Variants in RIPOR3 observed in about 807,000 individuals in gnomAD.
RIPOR3 encodes family with sequence similarity 65 member C.
In RIPOR3, 95 loss-of-function variants were observed where a neutral mutation model predicts 114.3. The observed-to-expected ratio is 0.83, with a 90% CI of 0.70 to 0.99. The LOEUF is 0.99. RIPOR3 is among the 50% of genes least tolerant of loss of function. The probability of loss-of-function intolerance (pLI) is 0.00; values close to 1 mark genes in which losing one functional copy is unlikely to be tolerated. For synonymous variants in RIPOR3, 575 were observed against 543.8 expected (o/e 1.06, Z -0.80); for missense variants, 1,252 against 1,266.9 (o/e 0.99, Z 0.18).
intron 1 of RIPOR3, among the ~76,000 whole-genome samples, chr20:50,689,799 G>A (rs556217902): frequency 5.3e-4 from 81 of 152,242 alleles, no homozygotes; most frequent in Middle Eastern, 3.4e-3. Flanking sequence ...CCCAAGGTGG[G>A]TGGTGGGGGG....
chr20:50,589,759 A>G lies in RIPOR3; in HGVS notation c.2588T>C (p.Phe863Ser). The change falls in exon 20 of 22, where the codon TTC becomes TCC. Residue 863 changes from phenylalanine to serine, a missense_variant. Transcript: ENST00000327979. Reference protein sequence around the residue: ...NRSFREKALLFYTNALAENDA... With the variant: ...NRSFREKALLSYTNALAENDA... ...GTTCTCTGCCAGGGCGTTGGTGTAG[A>G]ACAGCAAAGCCTGGGGAGAGTAAGG... The G allele has an allele frequency of 6.2e-7, 1 of 1,613,490 alleles. No individual in the cohort carries two copies. The highest frequency in any genetic ancestry group is 8.5e-7 in the Non-Finnish European group (1 of 1,179,690).
chr20:50,679,717 C>T (rs1405190427), intron 1 of RIPOR3, among the ~76,000 whole-genome samples: 3 of 149,588 alleles, frequency 2.0e-5, no homozygotes, highest in Non-Finnish European at 3.0e-5. Flanking sequence ...TGCAGTGAGC[C>T]GAGATCGCGC....
At chr20:50,607,747 G>A (rs560719948) in intron 11 of RIPOR3, among the ~76,000 whole-genome samples, 57 of 152,246 alleles carry the variant, frequency 3.7e-4, no homozygotes, top group Middle Eastern at 3.4e-3. Flanking sequence ...CCCCCAGCTC[G>A]GACACCCACC....
At chr20:50,671,781 C>A (rs964702640) in intron 1 of RIPOR3, among the ~76,000 whole-genome samples, 1 of 144,834 alleles carries the variant, frequency 6.9e-6, no homozygotes, top group South Asian at 2.2e-4. Flanking sequence ...AATGGGTGGG[C>A]GAAGGGATGG....
At position 50,604,733 on chromosome 20, in the gene RIPOR3, G is replaced by T; in HGVS notation, c.998C>A (p.Thr333Lys). 6.2e-7 allele frequency: 1 copy of T among 1,608,490 alleles called. No homozygotes were observed. Among genetic ancestry groups the T allele is most frequent in the Non-Finnish European group, 8.5e-7 (1 of 1,177,888 alleles). ...TESFLVSPSP[T>K]GKFSMGSRKG... Reference sequence around the variant, plus strand: ...CCTGCTGCCCATAGAAAACTTGCCCGTGGGGCTGGGTGACACCAGGAAGCT... The same window carrying T: ...CCTGCTGCCCATAGAAAACTTGCCCTTGGGGCTGGGTGACACCAGGAAGCT... The change falls in exon 12 of 22, where the codon ACG becomes AAG. Residue 333 changes from threonine (T) to lysine (K), a missense_variant. Thr to Lys is a moderately conservative substitution (Grantham distance 78). Coordinates refer to ENST00000327979, the MANE Select transcript of RIPOR3 (RefSeq NM_001290268.2).
intron 17 of RIPOR3, among the ~76,000 whole-genome samples, chr20:50,594,169 G>A (rs994726198): frequency 5.3e-5 from 8 of 151,648 alleles, no homozygotes; most frequent in East Asian, 1.9e-4. Flanking sequence ...CCAGCTACTC[G>A]GGAGGCTGAG....
chr20:50,648,023 C>G (rs1272363078), intron 1 of RIPOR3, among the ~76,000 whole-genome samples: 1 of 151,892 alleles, frequency 6.6e-6, no homozygotes. Context: ...TGCCTACAAT[C>G]CTAGCATTTT....
chr20:50,671,198 A>T (rs2086468282), intron 1 of RIPOR3, among the ~76,000 whole-genome samples: 1 of 152,162 alleles, frequency 6.6e-6, no homozygotes, highest in African/African-American at 2.4e-5. Context: ...CATGTTGGCC[A>T]GGCTGATCTC....
chr20:50,620,053 A>G lies in RIPOR3; in HGVS notation c.202T>C (p.Ser68Pro). 1 of 1,613,972 alleles carries G rather than the reference A, an allele frequency of 6.2e-7. No homozygotes were observed. The highest frequency in any genetic ancestry group is 8.5e-7 in the Non-Finnish European group (1 of 1,179,982). ...TGGGGCTTCGGGTCTGCACAGACCG[A>G]CCCCTTCCGCAGCGTGCCGTACATC... ...SKMYGTLRKG[S>P]VCADPKPQQV... Residue 68 changes from serine to proline, a missense_variant, in exon 3 of 22, where the codon TCG becomes CCG. Physicochemically the swap from Ser to Pro is moderately conservative, Grantham distance 74 (BLOSUM62 -1). Transcript: ENST00000327979.
chr20:50,620,628 A>AAAATAAAT (rs146738887), intron 2 of RIPOR3: 50 of 162,806 alleles, frequency 3.1e-4, no homozygotes, highest in South Asian at 4.1e-4. Flanking sequence ...CTCAGTCTTA[A>AAAATAAAT]AAATAAATAA....
At chr20:50,589,938 A>T (rs1464315735) in intron 19 of RIPOR3, 169 bp from the exon 20 acceptor site, 1 of 618,862 alleles carries the variant, frequency 1.6e-6, no homozygotes, top group Admixed American at 2.4e-5. Context: ...ACACAGTCAC[A>T]AGATCTATAC....
chr20:50,643,120 A>T (rs1158722548), intron 1 of RIPOR3, among the ~76,000 whole-genome samples: 2 of 136,640 alleles, frequency 1.5e-5, no homozygotes, highest in Non-Finnish European at 3.0e-5. Flanking sequence ...CTGTAATCTC[A>T]GCACTTTTTT....
At chr20:50,637,405 C>A (rs1300815169) in intron 1 of RIPOR3, among the ~76,000 whole-genome samples, 2 of 152,142 alleles carry the variant, frequency 1.3e-5, no homozygotes, top group Non-Finnish European at 2.9e-5. Flanking sequence ...AAGGCCACCT[C>A]CTCAGAGAGG....
chr20:50,631,176 G>A (rs2084807303), intron 1 of RIPOR3, among the ~76,000 whole-genome samples: 1 of 152,118 alleles, frequency 6.6e-6, no homozygotes, highest in Non-Finnish European at 1.5e-5. Context: ...CACCCCCCGA[G>A]CTTCTCCTCT....
rs1477487751 is a variant in RIPOR3, at chr20:50,602,405, A to G, written c.1326T>C (p.Ile442=). The G allele has an allele frequency of 6.2e-7, 1 of 1,609,408 alleles. No homozygotes were observed. Among genetic ancestry groups the G allele is most frequent in the Admixed American group, 1.7e-5 (1 of 59,708 alleles). Residue 442 remains isoleucine (I), a synonymous_variant, in exon 13 of 22, where the codon ATT becomes ATC. Transcript: ENST00000327979. The surrounding 1 kb of genome is among the most constrained non-coding windows in gnomAD (Gnocchi z 4.3). The part of the protein sequence containing the change: ...LPLTFGPHAS[I]EEEAREDPLP... ...GGGGGTCCTCCCGAGCCTCCTCTTC[A>G]ATGGAGGCGTGGGGACCGAAGGTCA...
Position 50,602,906 on chromosome 20 carries a change from A to C in RIPOR3, c.1087-262T>G, listed in dbSNP as rs1476883975. Among the ~76,000 whole-genome samples, 1 of 151,912 alleles carries C rather than the reference A, an allele frequency of 6.6e-6. No individual in the cohort carries two copies. The highest frequency in any genetic ancestry group is 2.4e-5 in the African/African-American group (1 of 41,356). On this transcript the variant is annotated intron_variant, in intron 12 of 21. Coordinates refer to ENST00000327979, the MANE Select transcript of RIPOR3 (RefSeq NM_001290268.2). The surrounding 1 kb of genome is among the most constrained non-coding windows in gnomAD (Gnocchi z 4.3). ...GCTCATGCCCTGTGGGCTGGGCCCC[A>C]CGTTCCTGCCTCAGGGCCTTTGCAC...
intron 21 of RIPOR3, 152 bp downstream of exon 21, chr20:50,587,650 G>T: frequency 1.4e-6 from 1 of 703,096 alleles, no homozygotes; most frequent in Non-Finnish European, 2.4e-6. Flanking sequence ...GCTACAAAGG[G>T]TGGAGGTCGG....
Position 50,630,610 on chromosome 20 carries a change from G to A in RIPOR3, c.122+128C>T, listed in dbSNP as rs575489913. ...CTCTCTCTCTCTCTCTGTCTCTCTC[G>A]GGCTGCAAGCCGGCCTGAGAGTGGG... On this transcript the variant is annotated intron_variant, in intron 2 of 21. Transcript: ENST00000327979. The A allele has an allele frequency of 2.3e-4, 144 of 625,062 alleles. No individual in the cohort carries two copies. In the African/African-American group the frequency reaches 2.4e-3, roughly 10 times the overall value. The allele number at this position is 625,062 out of a possible 1,614,324, so 38.7% of individuals were successfully genotyped here. A position where few individuals can be genotyped will look rare whatever the true frequency, so the allele number is the denominator to read the frequency against.
intron 2 of RIPOR3, among the ~76,000 whole-genome samples, chr20:50,621,776 G>A (rs558518223): frequency 2.6e-5 from 4 of 152,292 alleles, no homozygotes; most frequent in African/African-American, 9.6e-5. Flanking sequence ...CGTGGACTTT[G>A]CAGTTACATG....
Sources: gnomAD v4.1 joint callset for allele counts (sites outside exome capture counted in the v4.1 genomes callset) on GRCh38, gnomAD v4.1.1 for gene constraint, Gnocchi (gnomAD v3.1) non-coding constraint, MANE v1.5 for transcripts, NCBI Gene and HGNC (gene_info 2026-07-23, HGNC 2026-07-21) for gene names.